Variants in SUMO3 observed in about 807,000 individuals in gnomAD.
SUMO3 encodes the protein small ubiquitin like modifier 3, also known as small ubiquitin-related modifier 3.
A neutral mutation model predicts 11.1 loss-of-function variants in SUMO3; 2 were observed. That is an observed-to-expected ratio of 0.18 (90% CI 0.07 to 0.57). The LOEUF is 0.57. Among genes scored for constraint, SUMO3 ranks in the 20% least tolerant of loss-of-function variants. The probability of loss-of-function intolerance (pLI) is 0.92; values close to 1 mark genes in which losing one functional copy is unlikely to be tolerated. For synonymous variants in SUMO3, 56 were observed against 53.5 expected (o/e 1.05, Z -0.20); for missense variants, 70 against 132.8 (o/e 0.53, Z 2.32).
chr21:44,816,857 G>A (rs1184768719), intron 1 of SUMO3, among the ~76,000 whole-genome samples: 5 of 143,974 alleles, frequency 3.5e-5, no homozygotes, highest in African/African-American at 5.2e-5. Context: ...GGCGCACACC[G>A]TGGGGCGTGA....
chr21:44,816,760 A>G (rs57205597), intron 1 of SUMO3, among the ~76,000 whole-genome samples: 8,650 of 152,004 alleles, frequency 0.057, 696 homozygotes, highest in African/African-American at 0.18. Context: ...ACACCCCAGC[A>G]TGGCAATGGG....
chr21:44,806,708 C>T lies in SUMO3; in HGVS notation c.*243G>A. The T allele has an allele frequency of 9.8e-7, 1 of 1,017,488 alleles. No individual in the cohort carries two copies. Among genetic ancestry groups the T allele is most frequent in the East Asian group, 3.2e-5 (1 of 31,714 alleles). 63.0% of individuals were successfully genotyped at this position (1,017,488 alleles called of 1,614,324 possible). ...AAACACAAATGAGCACACAAAAGTA[C>T]CCACAATATCTTGCAACTCATTTTA... On this transcript the variant is annotated 3_prime_UTR_variant, in exon 4 of 4. Transcript: ENST00000332859.
chr21:44,817,019 A>ATGGCCGGGACACGATG (rs1569310135), intron 1 of SUMO3, among the ~76,000 whole-genome samples: 2 of 99,322 alleles, frequency 2.0e-5, no homozygotes. Flanking sequence ...GGGGGACGCG[A>ATGGCCGGGACACGATG]CGGGGAGGGG....
In SUMO3 at chr21:44,813,649, C is replaced by A. The variant is rs375714436; in HGVS notation, c.150+327G>T. 1.7e-4 allele frequency: 115 copies of A among 674,212 alleles called. 1 individual carries two copies. The South Asian group carries it at 1.9e-3, about 11-fold the overall frequency. 41.8% of individuals were successfully genotyped at this position (674,212 alleles called of 1,614,324 possible). ...CCAGAATGGCCAGACCTGAGCAGGGCCCCCAAGAGCCTTCAGCATCACAGA... is the reference window on the plus strand; with the variant it reads ...CCAGAATGGCCAGACCTGAGCAGGGACCCCAAGAGCCTTCAGCATCACAGA... On this transcript the variant is annotated intron_variant, in intron 2 of 3. Coordinates refer to ENST00000332859, the MANE Select transcript of SUMO3 (RefSeq NM_006936.3).
intron 3 of SUMO3, chr21:44,808,190 G>A (rs1393332735): frequency 1.6e-5 from 3 of 183,300 alleles, no homozygotes; most frequent in African/African-American, 7.0e-5. Flanking sequence ...CAAATGACAA[G>A]AGCTGCAACT....
chr21:44,811,010 CCACATATGCACACACGCACACACCCA>C lies in SUMO3; in HGVS notation c.151-1918_151-1893del, dbSNP rs1340007884. Reference sequence around the variant, plus strand: ...TGCACACACCCACACATGCACACACCCACATATGCACACACGCACACACCCACATACACACACGCACACACCCACAC... The same window carrying C: ...TGCACACACCCACACATGCACACACCCATACACACACGCACACACCCACAC... On this transcript the variant is annotated intron_variant, in intron 2 of 3. Transcript: ENST00000332859. This position sits in a 1 kb window ranked among gnomAD's most constrained non-coding sequence, Gnocchi z 5.0. Among the ~76,000 whole-genome samples the C allele has an allele frequency of 2.9e-5, 3 of 101,994 alleles. No homozygotes were observed. Among genetic ancestry groups the C allele is most frequent in the African/African-American group, 7.8e-5 (2 of 25,640 alleles). The allele number at this position is 101,994 out of a possible 152,430, so 66.9% of individuals were successfully genotyped here. A position where few individuals can be genotyped will look rare whatever the true frequency, so the allele number is the denominator to read the frequency against.
At chr21:44,817,869 A>C in intron 1 of SUMO3, 79 bp downstream of exon 1, 1 of 168 alleles carries the variant, frequency 6.0e-3, no homozygotes, top group African/African-American at 0.024. Context: ...CGCGGGGCGG[A>C]GTCGGGGTGG....
chr21:44,810,081 C>T lies in SUMO3; in HGVS notation c.151-963G>A, dbSNP rs1013977241. Among the ~76,000 whole-genome samples the T allele has an allele frequency of 1.3e-5, 2 of 152,174 alleles. No homozygotes were observed. The highest frequency in any genetic ancestry group is 4.1e-4 in the South Asian group (2 of 4,828). ...GGGCAGCAGGAAGGAGAGCACGCAG[C>T]CTTTCTGCGTCCTGAGGGAATGGAG... On this transcript the variant is annotated intron_variant, in intron 2 of 3. Transcript: ENST00000332859. The surrounding 1 kb of genome is among the most constrained non-coding windows in gnomAD (Gnocchi z 4.1).
At chr21:44,812,527 T>A (rs181635780) in intron 2 of SUMO3, among the ~76,000 whole-genome samples, 8 of 152,338 alleles carry the variant, frequency 5.3e-5, no homozygotes, top group Non-Finnish European at 1.2e-4. Context: ...AGCCATGCAG[T>A]GTCTCAAAGA....
Position 44,813,864 on chromosome 21 carries a change from C to T in SUMO3, c.150+112G>A, listed in dbSNP as rs767384489. 1.5e-5 allele frequency: 24 copies of T among 1,581,044 alleles called. No homozygotes were observed. In the African/African-American group the frequency reaches 1.6e-4, roughly 11 times the overall value. The stretch of plus-strand genomic sequence containing the variant: ...CTGCCCATCCACGAAGAGGGCACCT[C>T]GGGCAGCTGCATCTGGGTCCAGCCC... On this transcript the variant is annotated intron_variant, in intron 2 of 3. Transcript: ENST00000332859.
At chr21:44,814,815 G>A (rs1259156961) in intron 1 of SUMO3, among the ~76,000 whole-genome samples, 5 of 152,186 alleles carry the variant, frequency 3.3e-5, no homozygotes, top group Admixed American at 1.3e-4. Flanking sequence ...GGCAGTAGGT[G>A]GTACTATTTT....
In SUMO3 at chr21:44,807,481, C is replaced by A. The variant is rs923628822; in HGVS notation, c.223-441G>T. 2.0e-5 allele frequency among the ~76,000 whole-genome samples: 3 copies of A among 152,162 alleles called. No homozygotes were observed. The highest frequency in any genetic ancestry group is 1.3e-4 in the Admixed American group (2 of 15,286). On this transcript the variant is annotated intron_variant, in intron 3 of 3. Transcript: ENST00000332859. This position sits in a 1 kb window ranked among gnomAD's most constrained non-coding sequence, Gnocchi z 4.3. ...ATGCCATGAAAGCCAAAGCCCCCAG[C>A]TCACAGAAGGGCCCGTCAAGTGAGG... is the stretch of plus-strand genomic sequence containing the variant.
intron 3 of SUMO3, among the ~76,000 whole-genome samples, chr21:44,808,747 C>T (rs1048320562): frequency 3.3e-5 from 5 of 152,172 alleles, no homozygotes; most frequent in East Asian, 1.9e-4. Context: ...CAACAGCAAG[C>T]GTCCAGACAA....
At chr21:44,815,484 G>A (rs1012520417) in intron 1 of SUMO3, among the ~76,000 whole-genome samples, 6 of 152,192 alleles carry the variant, frequency 3.9e-5, no homozygotes, top group Non-Finnish European at 7.4e-5. Context: ...AGCCTGAGTG[G>A]TGAGCTGGCA....
At chr21:44,813,592 ACAGCGGCGTGG>A in intron 2 of SUMO3, 1 of 277,458 alleles carries the variant, frequency 3.6e-6, no homozygotes, top group Non-Finnish European at 7.1e-6. Flanking sequence ...GGACAGGGTG[ACAGCGGCGTGG>A]GGCACACGCC....
chr21:44,808,977 G>A lies in SUMO3; in HGVS notation c.222+70C>T, dbSNP rs554730426. The A allele has an allele frequency of 6.2e-5, 79 of 1,275,752 alleles. No homozygotes were observed. In the African/African-American group the frequency reaches 8.5e-4, roughly 14 times the overall value. 79.0% of individuals were successfully genotyped at this position (1,275,752 alleles called of 1,614,324 possible). ...TCCCACCTACAATTCTCAAATAAGC[G>A]TATCCCAAATGGCAGTTACCCCGCA... is the stretch of plus-strand genomic sequence containing the variant. On this transcript the variant is annotated intron_variant, in intron 3 of 3. Transcript: ENST00000332859.
chr21:44,807,167 G>A lies in SUMO3; in HGVS notation c.223-127C>T, dbSNP rs965977156. 2 of 1,201,080 alleles carry A rather than the reference G, an allele frequency of 1.7e-6. No individual in the cohort carries two copies. The highest frequency in any genetic ancestry group is 2.2e-5 in the Admixed American group (1 of 44,884). 74.4% of individuals were successfully genotyped at this position (1,201,080 alleles called of 1,614,324 possible). A position where few individuals can be genotyped will look rare whatever the true frequency, so the allele number is the denominator to read the frequency against. On this transcript the variant is annotated intron_variant, in intron 3 of 3. Transcript: ENST00000332859. This position sits in a 1 kb window ranked among gnomAD's most constrained non-coding sequence, Gnocchi z 4.3. ...TAGCGACATCACCTGGTCACACCTT[G>A]GCTCTTGTCCGTCCCCTCACTGCAG...
intron 1 of SUMO3, among the ~76,000 whole-genome samples, chr21:44,816,900 T>G (rs1161559883): frequency 4.0e-5 from 1 of 25,014 alleles, no homozygotes. Flanking sequence ...ATAGGGGGCG[T>G]GATGGGGAGG....
chr21:44,811,063 TACAC>T lies in SUMO3; in HGVS notation c.151-1949_151-1946del, dbSNP rs566166261. Among the ~76,000 whole-genome samples, 57 of 83,548 alleles carry T rather than the reference TACAC, an allele frequency of 6.8e-4. No individual in the cohort carries two copies. In the East Asian group the frequency reaches 7.7e-3, roughly 11 times the overall value. The allele number at this position is 83,548 out of a possible 152,430, so 54.8% of individuals were successfully genotyped here. ...ATACACACACGCACACACCCACACA[TACAC>T]ACACACGAATGCACACATGCACACA... On this transcript the variant is annotated intron_variant, in intron 2 of 3. Transcript: ENST00000332859. This position sits in a 1 kb window ranked among gnomAD's most constrained non-coding sequence, Gnocchi z 5.0.
Sources: gnomAD v4.1 joint callset for allele counts (sites outside exome capture counted in the v4.1 genomes callset) on GRCh38, gnomAD v4.1.1 for gene constraint, Gnocchi (gnomAD v3.1) non-coding constraint, MANE v1.5 for transcripts, NCBI Gene and HGNC (gene_info 2026-07-23, HGNC 2026-07-21) for gene names.